The following CSMD2 variants were observed in gnomAD, a reference collection of about 807,000 sequenced individuals.
CSMD2 encodes the protein CUB and sushi domain-containing protein 2.
CSMD2 carries 130 observed loss-of-function variants against 398.5 expected under a neutral mutation model. The observed-to-expected ratio is 0.33, with a 90% confidence interval of 0.28 to 0.38. The LOEUF is 0.38. Ranked by LOEUF, CSMD2 falls within the 10% of genes least tolerant of loss-of-function variation. CSMD2 has a pLI of 1.00. For synonymous variants in CSMD2, 1,828 were observed against 1,908.5 expected (o/e 0.96, Z 1.10); for missense variants, 3,829 against 4,764.9 (o/e 0.80, Z 5.78).
intron 3 of CSMD2, among the ~76,000 whole-genome samples, chr1:34,020,465 C>T (rs746341580): frequency 2.6e-5 from 4 of 152,134 alleles, no homozygotes; most frequent in Non-Finnish European, 4.4e-5. Flanking sequence ...CAACAACGCC[C>T]TGAGCAAGGC....
At chr1:33,740,909 G>T (rs1044993382) in intron 14 of CSMD2, among the ~76,000 whole-genome samples, 2 of 152,180 alleles carry the variant, frequency 1.3e-5, no homozygotes, top group African/African-American at 2.4e-5. Context: ...GGGAGCAAAA[G>T]CTCTGAGTCA....
chr1:33,701,966 C>T (rs1331593933), intron 22 of CSMD2, among the ~76,000 whole-genome samples: 4 of 152,148 alleles, frequency 2.6e-5, no homozygotes, highest in Non-Finnish European at 5.9e-5. Context: ...TATACCATCA[C>T]CCATGGAGTT....
intron 12 of CSMD2, among the ~76,000 whole-genome samples, chr1:33,777,171 G>T (rs1426069064): frequency 7.2e-5 from 11 of 151,932 alleles, no homozygotes; most frequent in Non-Finnish European, 1.2e-4. Flanking sequence ...GAAGTGAGCT[G>T]CTAGCACTGC....
chr1:34,031,753 C>T (rs938862288), intron 3 of CSMD2, among the ~76,000 whole-genome samples: 1 of 25,878 alleles, frequency 3.9e-5, no homozygotes, highest in Non-Finnish European at 7.0e-5. Context: ...AGTTCTTAAA[C>T]AAAGGCAAAG....
At chr1:33,908,085 CAAAAAAAAA>C (rs35932181) in intron 5 of CSMD2, among the ~76,000 whole-genome samples, 24 of 77,130 alleles carry the variant, frequency 3.1e-4, no homozygotes, top group East Asian at 8.0e-4. Flanking sequence ...GACTCCATCT[CAAAAAAAAA>C]AAAAAAAAAA....
chr1:33,894,928 C>A (rs1642279147), intron 5 of CSMD2, among the ~76,000 whole-genome samples: 1 of 152,152 alleles, frequency 6.6e-6, no homozygotes, highest in Non-Finnish European at 1.5e-5. Flanking sequence ...CCTTTTCCCC[C>A]AAGATGCCCC....
chr1:33,607,430 T>C (rs983253903), intron 41 of CSMD2, among the ~76,000 whole-genome samples: 4 of 152,110 alleles, frequency 2.6e-5, no homozygotes, highest in East Asian at 3.9e-4. Flanking sequence ...GGCTCGTTCA[T>C]TGAAGCTGGG....
intron 5 of CSMD2, among the ~76,000 whole-genome samples, chr1:33,866,698 T>G (rs911210): frequency 6.6e-6 from 1 of 152,162 alleles, no homozygotes; most frequent in Admixed American, 6.5e-5. Flanking sequence ...CTTCCTGCCC[T>G]CTCCCTGCCT....
At position 33,657,959 on chromosome 1, in the gene CSMD2, C is replaced by T. The variant is rs750813964; in HGVS notation, c.4434G>A (p.Pro1478=). 1.3e-5 allele frequency: 21 copies of T among 1,613,228 alleles called. No homozygotes were observed. The highest frequency in any genetic ancestry group is 6.7e-5 in the Admixed American group (4 of 59,976). The part of the protein sequence containing the change: ...IENRFFWQPS[P]PTCIAPCGGD... The stretch of plus-strand genomic sequence containing the variant: ...GCTGCTTTGTACCGATGCATGTTGG[C>T]GGGCTGGGCTGCCAGAAGAACCTGT... Residue 1478 remains proline (P), a synonymous_variant, in exon 27 of 71, where the codon CCG becomes CCA. Transcript: ENST00000373381.
chr1:33,727,660 C>G (rs1431418745), intron 15 of CSMD2, among the ~76,000 whole-genome samples: 1 of 152,182 alleles, frequency 6.6e-6, no homozygotes, highest in Non-Finnish European at 1.5e-5. Context: ...ATTGTGGAAG[C>G]AAGTGTCAAG....
At chr1:33,903,384 C>G (rs1377797320) in intron 5 of CSMD2, among the ~76,000 whole-genome samples, 3 of 151,070 alleles carry the variant, frequency 2.0e-5, no homozygotes, top group Non-Finnish European at 4.4e-5. Flanking sequence ...ATTTAAGATC[C>G]TTTCTAGCAC....
chr1:33,799,260 A>T (rs1655312863), intron 10 of CSMD2, among the ~76,000 whole-genome samples: 1 of 152,252 alleles, frequency 6.6e-6, no homozygotes, highest in Non-Finnish European at 1.5e-5. Context: ...CATGGACTTT[A>T]AAGCCTAAAA....
At chr1:33,995,690 C>CA (rs1439014051) in intron 3 of CSMD2, among the ~76,000 whole-genome samples, 2 of 152,226 alleles carry the variant, frequency 1.3e-5, no homozygotes, top group Non-Finnish European at 2.9e-5. Context: ...AATTCAGCTT[C>CA]CAGCTACAGC....
At chr1:34,031,089 C>CTT (rs879272380) in intron 3 of CSMD2, among the ~76,000 whole-genome samples, 10 of 142,156 alleles carry the variant, frequency 7.0e-5, no homozygotes, top group Non-Finnish European at 1.1e-4. Flanking sequence ...TTGGTAGGAA[C>CTT]TTTTTTTTTT....
At chr1:34,049,284 G>C (rs1330360517) in intron 2 of CSMD2, among the ~76,000 whole-genome samples, 1 of 152,174 alleles carries the variant, frequency 6.6e-6, no homozygotes, top group Non-Finnish European at 1.5e-5. Flanking sequence ...TCACTGGAGA[G>C]TTTTTGCAGG....
intron 3 of CSMD2, among the ~76,000 whole-genome samples, chr1:33,956,207 T>TAA (rs57869140): frequency 2.8e-4 from 40 of 142,774 alleles, no homozygotes; most frequent in African/African-American, 4.6e-4. Flanking sequence ...CTTAAAGTAT[T>TAA]AAAAAAAAAA....
At chr1:33,868,735 TAACA>T (rs66519139) in intron 5 of CSMD2, among the ~76,000 whole-genome samples, 112,089 of 150,822 alleles carry the variant, frequency 0.74, 41,830 homozygotes, top group South Asian at 0.87. Context: ...GACTCCATCT[TAACA>T]AACAAACAAA....
At chr1:33,952,615 T>C (rs1398141962) in intron 3 of CSMD2, among the ~76,000 whole-genome samples, 2 of 152,182 alleles carry the variant, frequency 1.3e-5, no homozygotes, top group South Asian at 2.1e-4. Flanking sequence ...CCCTTTATTA[T>C]ACCTTCAGAG....
rs762240470 is a variant in CSMD2 at position 33,550,296 on chromosome 1, C to T, written c.8798G>A (p.Ser2933Asn). 3.1e-6 allele frequency: 5 copies of T among 1,614,242 alleles called. No individual in the cohort carries two copies. The South Asian group carries it at 5.5e-5, about 18-fold the overall frequency. Residue 2933 changes from serine (S) to asparagine (N), a missense_variant, in exon 56 of 71, where the codon AGT becomes AAT. Coordinates refer to ENST00000373381, the MANE Select transcript of CSMD2 (RefSeq NM_001281956.2). ...CCGCACCACTGCTCCCACAGTATAA[C>T]TGTCTCCAGACATCTGGGAGTGAGG... ...SPPHSQMSGD[S>N]YTVGAVVRYS...
Sources: allele counts gnomAD v4.1 joint callset (sites outside exome capture counted in the v4.1 genomes callset), GRCh38; gene constraint gnomAD v4.1.1; transcripts MANE v1.5; gene names NCBI Gene and HGNC (gene_info 2026-07-23, HGNC 2026-07-21).